The following PIP4K2A variants were observed in gnomAD, a reference collection of about 807,000 sequenced individuals.
PIP4K2A encodes the protein phosphatidylinositol 5-phosphate 4-kinase type-2 alpha.
A neutral mutation model predicts 42.9 loss-of-function variants in PIP4K2A; 14 were observed. That is an observed-to-expected ratio of 0.33 (90% CI 0.22 to 0.51). PIP4K2A has a LOEUF of 0.51. PIP4K2A is among the 20% of genes least tolerant of loss of function. PIP4K2A has a pLI of 0.97. For synonymous variants in PIP4K2A, 192 were observed against 192.2 expected, an observed-to-expected ratio of 1.00 and a Z score of 0.01; for missense variants, 434 against 519.8, an observed-to-expected ratio of 0.83 and a Z score of 1.61.
intron 1 of PIP4K2A, among the ~76,000 whole-genome samples, chr10:22,695,788 A>T (rs570802318): frequency 1.3e-5 from 2 of 152,192 alleles, no homozygotes; most frequent in South Asian, 2.1e-4. Context: ...AACACAATGT[A>T]TGGTCACAGT....
At chr10:22,617,518 T>C (rs1268355736) in intron 1 of PIP4K2A, among the ~76,000 whole-genome samples, 2 of 152,260 alleles carry the variant, frequency 1.3e-5, no homozygotes, top group East Asian at 1.9e-4. Context: ...CTCAGACTAA[T>C]ACATAATTAG....
chr10:22,606,701 C>A (rs1034054898), intron 3 of PIP4K2A, among the ~76,000 whole-genome samples: 1 of 152,216 alleles, frequency 6.6e-6, no homozygotes, highest in African/African-American at 2.4e-5. Context: ...TATCAGTACT[C>A]AATCTGTAGT....
intron 4 of PIP4K2A, among the ~76,000 whole-genome samples, chr10:22,583,727 G>A (rs1373783587): frequency 1.3e-5 from 2 of 152,200 alleles, no homozygotes; most frequent in African/African-American, 4.8e-5. Context: ...TGAAGATGAA[G>A]CTAAGAGTTC....
chr10:22,681,949 T>C (rs1463572165), intron 1 of PIP4K2A, among the ~76,000 whole-genome samples: 1 of 152,198 alleles, frequency 6.6e-6, no homozygotes, highest in East Asian at 1.9e-4. Context: ...ACACTGAAAT[T>C]TGAATTTCAT....
intron 7 of PIP4K2A, among the ~76,000 whole-genome samples, chr10:22,550,266 T>C (rs555267840): frequency 9.9e-5 from 15 of 152,196 alleles, no homozygotes; most frequent in African/African-American, 2.2e-4. Context: ...AAGACTGTAA[T>C]AGTGACTGAA....
At chr10:22,582,618 A>T (rs1564430215) in intron 4 of PIP4K2A, among the ~76,000 whole-genome samples, 1 of 152,176 alleles carries the variant, frequency 6.6e-6, no homozygotes, top group African/African-American at 2.4e-5. Flanking sequence ...GAAAGGTTAA[A>T]TTATCTGTAA....
chr10:22,535,821 TA>T lies in PIP4K2A; in HGVS notation c.*1379del. On this transcript the variant is annotated 3_prime_UTR_variant, in exon 10 of 10. Transcript: ENST00000376573. ...CACAGTTTAGGGCAATGAACTTTCA[TA>T]AACCAGACTGGGGCGAAATCTCTTT... The T allele has an allele frequency of 3.4e-6, 1 of 297,288 alleles. No homozygotes were observed. The highest frequency in any genetic ancestry group is 5.2e-5 in the East Asian group (1 of 19,340). The allele number at this position is 297,288 out of a possible 1,614,324, so 18.4% of individuals were successfully genotyped here. A position where few individuals can be genotyped will look rare whatever the true frequency, so the allele number is the denominator to read the frequency against.
rs1564408843 is a variant in PIP4K2A at position 22,536,713 on chromosome 10, C to CT, written c.*487_*488insA. The CT allele has an allele frequency of 1.9e-4, 1 of 5,308 alleles. No homozygotes were observed. Among genetic ancestry groups the CT allele is most frequent in the Non-Finnish European group, 4.6e-4 (1 of 2,152 alleles). The allele number at this position is 5,308 out of a possible 1,614,324, so 0.3% of individuals were successfully genotyped here. On this transcript the variant is annotated 3_prime_UTR_variant, in exon 10 of 10. Coordinates refer to ENST00000376573, the MANE Select transcript of PIP4K2A (RefSeq NM_005028.5). ...GAATACTGTCTCACATCTTTCAACT[C>CT]CAAAAAAAAAAAAAAAAAAAAAAAA...
At chr10:22,572,288 G>C (rs1456409768) in intron 5 of PIP4K2A, among the ~76,000 whole-genome samples, 2 of 152,180 alleles carry the variant, frequency 1.3e-5, no homozygotes, top group Non-Finnish European at 2.9e-5. Context: ...ACAGAAACAA[G>C]GGGCATCGTG....
Position 22,535,803 on chromosome 10 carries a change from T to C in PIP4K2A, c.*1398A>G, listed in dbSNP as rs1835904388. Reference sequence around the variant, plus strand: ...TTGATTAAAAACAATCAGCACAGTTTAGGGCAATGAACTTTCATAAACCAG... The same window carrying C: ...TTGATTAAAAACAATCAGCACAGTTCAGGGCAATGAACTTTCATAAACCAG... On this transcript the variant is annotated 3_prime_UTR_variant, in exon 10 of 10. Transcript: ENST00000376573. The C allele has an allele frequency of 3.6e-6, 1 of 275,248 alleles. No individual in the cohort carries two copies. Among genetic ancestry groups the C allele is most frequent in the South Asian group, 1.7e-4 (1 of 5,956 alleles). 17.1% of individuals were successfully genotyped at this position (275,248 alleles called of 1,614,324 possible).
Position 22,536,030 on chromosome 10 carries a change from A to C in PIP4K2A, c.*1171T>G. ...TCACCTATACTGTGACTTTACATGTAAACTTCAAAAATCACATGCTGTACA... is the reference window on the plus strand; with the variant it reads ...TCACCTATACTGTGACTTTACATGTCAACTTCAAAAATCACATGCTGTACA... On this transcript the variant is annotated 3_prime_UTR_variant, in exon 10 of 10. Coordinates refer to ENST00000376573, the MANE Select transcript of PIP4K2A (RefSeq NM_005028.5). 1 of 398,386 alleles carries C rather than the reference A, an allele frequency of 2.5e-6. No homozygotes were observed. Among genetic ancestry groups the C allele is most frequent in the African/African-American group, 2.1e-5 (1 of 48,760 alleles). The allele number at this position is 398,386 out of a possible 1,614,324, so 24.7% of individuals were successfully genotyped here.
intron 9 of PIP4K2A, among the ~76,000 whole-genome samples, chr10:22,538,335 T>C (rs1274103700): frequency 6.6e-6 from 1 of 151,662 alleles, no homozygotes; most frequent in African/African-American, 2.4e-5. Context: ...GAGATGAACA[T>C]GGAGCCATAT....
intron 1 of PIP4K2A, among the ~76,000 whole-genome samples, chr10:22,636,332 G>A (rs898217938): frequency 8.5e-5 from 13 of 152,078 alleles, no homozygotes; most frequent in Middle Eastern, 3.2e-3. Flanking sequence ...GCTCACTGCC[G>A]CCTCAACGTC....
At chr10:22,695,965 G>A (rs896164321) in intron 1 of PIP4K2A, among the ~76,000 whole-genome samples, 3 of 152,152 alleles carry the variant, frequency 2.0e-5, no homozygotes, top group Non-Finnish European at 2.9e-5. Context: ...CTTAGAGCAT[G>A]TCTTGGGTTT....
chr10:22,667,184 T>A (rs1839367424), intron 1 of PIP4K2A, among the ~76,000 whole-genome samples: 1 of 152,166 alleles, frequency 6.6e-6, no homozygotes, highest in South Asian at 2.1e-4. Context: ...TACTAACGGT[T>A]TCACATGATG....
chr10:22,588,322 C>G (rs1413151725), intron 4 of PIP4K2A, among the ~76,000 whole-genome samples: 2 of 150,634 alleles, frequency 1.3e-5, no homozygotes, highest in Non-Finnish European at 2.9e-5. Flanking sequence ...TTGTATGTTT[C>G]TCAGCTTGTG....
chr10:22,540,082 G>C lies in PIP4K2A; in HGVS notation c.1037-8C>G. On this transcript the variant is annotated splice_region_variant and splice_polypyrimidine_tract_variant and intron_variant, in intron 8 of 9. Transcript: ENST00000376573. ...CCTCCTTCCTAGGCGAGTCTGCAGA[G>C]ACAGGAGAGCAATGACTGTGGGACA... 6.8e-7 allele frequency: 1 copy of C among 1,472,860 alleles called. No homozygotes were observed. The highest frequency in any genetic ancestry group is 1.1e-5 in the South Asian group (1 of 88,556). 91.2% of individuals were successfully genotyped at this position (1,472,860 alleles called of 1,614,324 possible). A position where few individuals can be genotyped will look rare whatever the true frequency, so the allele number is the denominator to read the frequency against.
intron 4 of PIP4K2A, among the ~76,000 whole-genome samples, chr10:22,581,984 C>T (rs555712721): frequency 4.6e-5 from 7 of 151,730 alleles, no homozygotes; most frequent in African/African-American, 1.4e-4. Context: ...GGTGTGGTGG[C>T]GCATGCCTGT....
chr10:22,640,523 C>A (rs1318464364), intron 1 of PIP4K2A, among the ~76,000 whole-genome samples: 1 of 152,184 alleles, frequency 6.6e-6, no homozygotes, highest in Non-Finnish European at 1.5e-5. Flanking sequence ...CACCGCCCCA[C>A]AAAGGGCTCC....
Sources: gnomAD v4.1 joint callset for allele counts (sites outside exome capture counted in the v4.1 genomes callset) on GRCh38, gnomAD v4.1.1 for gene constraint, MANE v1.5 for transcripts, NCBI Gene and HGNC (gene_info 2026-07-23, HGNC 2026-07-21) for gene names.